GARNL3: variants seen among roughly 807,000 people sequenced by gnomAD.
GARNL3 encodes the protein GTPase-activating Rap/Ran-GAP domain-like protein 3.
Under a neutral mutation model 125.0 loss-of-function variants are expected in GARNL3, and 63 were observed. That is an observed-to-expected ratio of 0.50 (90% CI 0.41 to 0.62). The LOEUF is 0.62. GARNL3 is among the 20% of genes least tolerant of loss of function. The pLI is 0.00. For synonymous variants in GARNL3, 439 were observed against 457.5 expected, an observed-to-expected ratio of 0.96 and a Z score of 0.52; for missense variants, 994 against 1,244.0, an observed-to-expected ratio of 0.80 and a Z score of 3.02.
In GARNL3 at chr9:127,372,339, G is replaced by T. The variant is rs370770653; in HGVS notation, c.2161+6973G>T. 4.6e-4 allele frequency among the ~76,000 whole-genome samples: 70 copies of T among 152,298 alleles called. 1 individual carries two copies. In the South Asian group the frequency reaches 0.012, roughly 25 times the overall value. ...AAGAGTACCAAGAAAGAAGCCATGAGGTTATGGGTGTTTGTGGGGCTGAGG... is the reference window on the plus strand; with the variant it reads ...AAGAGTACCAAGAAAGAAGCCATGATGTTATGGGTGTTTGTGGGGCTGAGG... On this transcript the variant is annotated intron_variant, in intron 22 of 27. Transcript: ENST00000373387.
At chr9:127,371,214 G>C (rs564202117) in intron 22 of GARNL3, among the ~76,000 whole-genome samples, 1 of 152,094 alleles carries the variant, frequency 6.6e-6, no homozygotes, top group Non-Finnish European at 1.5e-5. Context: ...GGTGTAGCAC[G>C]CACGGAATTT....
In GARNL3 at chr9:127,275,542, G is replaced by C. The variant is rs12003427; in HGVS notation, c.144+10521G>C. ...TCAGGGCAAGTTTCTGTTTTCGTAG[G>C]GCACATATCCATTCCATGGGTTAGA... On this transcript the variant is annotated intron_variant, in intron 1 of 27. Coordinates refer to ENST00000373387, the MANE Select transcript of GARNL3 (RefSeq NM_032293.5). Among the ~76,000 whole-genome samples the C allele has an allele frequency of 1.4e-3, 212 of 152,234 alleles. 4 individuals carry two copies. The highest frequency in any genetic ancestry group is 4.8e-3 in the African/African-American group (198 of 41,534).
At chr9:127,292,067 A>C (rs200375179) in intron 2 of GARNL3, among the ~76,000 whole-genome samples, 6 of 152,144 alleles carry the variant, frequency 3.9e-5, no homozygotes, top group Admixed American at 3.9e-4. Flanking sequence ...TATTGTCATC[A>C]CTGCCACATT....
At position 127,336,172 on chromosome 9, in the gene GARNL3, G is replaced by C; in HGVS notation, c.918G>C (p.Val306=). 6.2e-7 allele frequency: 1 copy of C among 1,614,092 alleles called. No individual in the cohort carries two copies. Among genetic ancestry groups the C allele is most frequent in the Non-Finnish European group, 8.5e-7 (1 of 1,179,966 alleles). Residue 306 remains valine (V), a synonymous_variant, in exon 11 of 28, where the codon GTG becomes GTC. Transcript: ENST00000373387. ...TTGGAAACGATATCGTCACCATTGT[G>C]TTCCAAGAAGGAGAGGAATCTTCTC... ...RHIGNDIVTI[V]FQEGEESSPA... is the part of the protein sequence containing the mutation.
rs917180966 is a variant in GARNL3, at chr9:127,388,504, C to G, written c.2528-400C>G. The G allele has an allele frequency of 3.4e-5, 8 of 237,524 alleles. No homozygotes were observed. In the Admixed American group the frequency reaches 3.7e-4, roughly 11 times the overall value. 14.7% of individuals were successfully genotyped at this position (237,524 alleles called of 1,614,324 possible). A position where few individuals can be genotyped will look rare whatever the true frequency, so the allele number is the denominator to read the frequency against. On this transcript the variant is annotated intron_variant, in intron 25 of 27. Coordinates refer to ENST00000373387, the MANE Select transcript of GARNL3 (RefSeq NM_032293.5). ...GTCTTTCACTCTATCTGGCTTTGCC[C>G]GCAAACCCCAGAGGCCTCTGCTGTG...
chr9:127,319,810 G>A (rs1054845609), intron 5 of GARNL3, among the ~76,000 whole-genome samples: 2 of 152,076 alleles, frequency 1.3e-5, no homozygotes, highest in African/African-American at 2.4e-5. Flanking sequence ...CTTTAAGAAC[G>A]TTTAAAAACT....
rs2063226469 is a variant in GARNL3, at chr9:127,242,821, TTTAC to T, written c.-28-255_-28-252del. 1.3e-5 allele frequency among the ~76,000 whole-genome samples: 2 copies of T among 152,132 alleles called. No homozygotes were observed. The highest frequency in any genetic ancestry group is 4.1e-4 in the South Asian group (2 of 4,826). On this transcript the variant is annotated intron_variant, in intron 1 of 10. Coordinates refer to the GARNL3 transcript ENST00000439286. This position sits in a 1 kb window ranked among gnomAD's most constrained non-coding sequence, Gnocchi z 4.6. ...TGTTCAAATGCTCACTGGGCCTCCT[TTTAC>T]TTTATACTCCGCGGACTTAACTGAT...
chr9:127,259,586 G>T (rs1300840333), upstream of GARNL3, among the ~76,000 whole-genome samples: 1 of 152,174 alleles, frequency 6.6e-6, no homozygotes, highest in Non-Finnish European at 1.5e-5. Context: ...CATCCTCAGC[G>T]CTGCCCTGGG....
intron 2 of GARNL3, among the ~76,000 whole-genome samples, chr9:127,254,352 T>G (rs1564851634): frequency 6.6e-6 from 1 of 152,172 alleles, no homozygotes; most frequent in Non-Finnish European, 1.5e-5. Flanking sequence ...AGATTGAAAA[T>G]GTCTGCATTA....
chr9:127,228,104 T>C (rs567915146), intron 1 of GARNL3, among the ~76,000 whole-genome samples: 5 of 152,344 alleles, frequency 3.3e-5, no homozygotes, highest in South Asian at 4.1e-4. Context: ...CTTAATATAG[T>C]GTAAGGATTT....
At chr9:127,353,187 C>T (rs981069308) in intron 17 of GARNL3, among the ~76,000 whole-genome samples, 1 of 152,180 alleles carries the variant, frequency 6.6e-6, no homozygotes. Context: ...AGCATTCCCA[C>T]TTCAGTTCGT....
chr9:127,305,293 C>T (rs1197507650), intron 2 of GARNL3, among the ~76,000 whole-genome samples: 1 of 152,226 alleles, frequency 6.6e-6, no homozygotes. Flanking sequence ...ATCATCGGAA[C>T]CTGGAGCTTG....
intron 4 of GARNL3, among the ~76,000 whole-genome samples, chr9:127,316,867 C>G (rs993037069): frequency 6.6e-6 from 1 of 152,224 alleles, no homozygotes; most frequent in African/African-American, 2.4e-5. Flanking sequence ...TTGTTCAGAG[C>G]TTGGACAGAT....
chr9:127,263,901 T>G, upstream of GARNL3: 4 of 1,449,416 alleles, frequency 2.8e-6, no homozygotes, highest in Non-Finnish European at 2.7e-6. Context: ...AGAGAGTCAG[T>G]TCTCTGGTTG....
intron 2 of GARNL3, among the ~76,000 whole-genome samples, chr9:127,251,461 T>A (rs1564849636): frequency 6.6e-6 from 1 of 152,200 alleles, no homozygotes; most frequent in Non-Finnish European, 1.5e-5. Context: ...AAGTAAACAT[T>A]TTAGAAAATC....
At position 127,342,264 on chromosome 9, in the gene GARNL3, A is replaced by G. The variant is rs1341977745; in HGVS notation, c.1181A>G (p.Gln394Arg). ...ACTTTGGAAACCCCAACATTTGCCCAGAAACGTCGGCGTACCCTGGATATG... is the reference window on the plus strand; with the variant it reads ...ACTTTGGAAACCCCAACATTTGCCCGGAAACGTCGGCGTACCCTGGATATG... ...KATLETPTFA[Q>R]KRRRTLDMLI... Residue 394 changes from glutamine (Q) to arginine (R), a missense_variant, in exon 14 of 28, where the codon CAG becomes CGG. Coordinates refer to ENST00000373387, the MANE Select transcript of GARNL3 (RefSeq NM_032293.5). The G allele has an allele frequency of 6.2e-7, 1 of 1,614,134 alleles. No individual in the cohort carries two copies. Among genetic ancestry groups the G allele is most frequent in the Non-Finnish European group, 8.5e-7 (1 of 1,179,944 alleles).
chr9:127,318,580 A>G lies in GARNL3; in HGVS notation c.503+453A>G, dbSNP rs148917465. On this transcript the variant is annotated intron_variant, in intron 5 of 27. Coordinates refer to ENST00000373387, the MANE Select transcript of GARNL3 (RefSeq NM_032293.5). ...AATAGAAACCCAGATGTCAGCAAAGAATGTACTTATTCTTCGCCAGACAGA... is the reference window on the plus strand; with the variant it reads ...AATAGAAACCCAGATGTCAGCAAAGGATGTACTTATTCTTCGCCAGACAGA... Among the ~76,000 whole-genome samples the G allele has an allele frequency of 2.6e-5, 4 of 152,282 alleles. No homozygotes were observed. The East Asian group carries it at 7.7e-4, about 29-fold the overall frequency.
chr9:127,291,519 C>G (rs994583789), intron 2 of GARNL3, among the ~76,000 whole-genome samples: 1 of 152,160 alleles, frequency 6.6e-6, no homozygotes, highest in African/African-American at 2.4e-5. Context: ...TGAATGGTCC[C>G]GAGTCCCAGT....
In GARNL3 at chr9:127,310,222, G is replaced by C. The variant is rs370354271; in HGVS notation, c.220-1414G>C. Among the ~76,000 whole-genome samples the C allele has an allele frequency of 3.3e-3, 504 of 152,100 alleles. 13 individuals are homozygous for C. The South Asian group carries it at 0.043, about 13-fold the overall frequency. ...ACAGTTTCGTTAATGCTGGGATGGGGGAATTTTTTATAGTAATTAAGCAAA... is the reference window on the plus strand; with the variant it reads ...ACAGTTTCGTTAATGCTGGGATGGGCGAATTTTTTATAGTAATTAAGCAAA... On this transcript the variant is annotated intron_variant, in intron 2 of 27. Transcript: ENST00000373387.
Sources: gnomAD v4.1 joint callset for allele counts (sites outside exome capture counted in the v4.1 genomes callset) on GRCh38, gnomAD v4.1.1 for gene constraint, Gnocchi (gnomAD v3.1) non-coding constraint, MANE v1.5 for transcripts, NCBI Gene and HGNC (gene_info 2026-07-23, HGNC 2026-07-21) for gene names.